Variants in TBC1D15 observed in about 807,000 individuals in gnomAD.
TBC1D15 encodes the protein GAP for RAB7.
Under a neutral mutation model 95.4 loss-of-function variants are expected in TBC1D15, and 39 were observed. The ratio of observed to expected loss-of-function variants is 0.41; its 90% confidence interval spans 0.32 to 0.53. The LOEUF (loss-of-function observed/expected upper bound fraction) is 0.53. Ranked by LOEUF, TBC1D15 falls within the 20% of genes least tolerant of loss-of-function variation. The pLI, the probability that TBC1D15 is intolerant of heterozygous loss-of-function variation, is 0.29. For synonymous variants in TBC1D15, 258 were observed against 261.3 expected (o/e 0.99, Z 0.12); for missense variants, 733 against 794.3 (o/e 0.92, Z 0.93).
At position 71,887,500 on chromosome 12, in the gene TBC1D15, C is replaced by G. The variant is rs1407263687; in HGVS notation, c.554+2479C>G. The stretch of plus-strand genomic sequence containing the variant: ...CTTAAAACTCATCTCATGCCATTGT[C>G]TTTTCCATTCTACTCATGCAGATTT... On this transcript the variant is annotated intron_variant, in intron 5 of 16. Transcript: ENST00000485960. Among the ~76,000 whole-genome samples, 14 of 152,190 alleles carry G rather than the reference C, an allele frequency of 9.2e-5. No individual in the cohort carries two copies. In the South Asian group the frequency reaches 1.7e-3, roughly 18 times the overall value.
rs552989210 is a variant in TBC1D15 at position 71,880,463 on chromosome 12, T to C, written c.205-6T>C. 3.0e-5 allele frequency: 47 copies of C among 1,554,214 alleles called. No homozygotes were observed. Among genetic ancestry groups the C allele is most frequent in the Non-Finnish European group, 3.7e-5 (43 of 1,149,690 alleles). On this transcript the variant is annotated splice_region_variant and splice_polypyrimidine_tract_variant and intron_variant, in intron 3 of 16. Coordinates refer to ENST00000485960, the MANE Select transcript of TBC1D15 (RefSeq NM_001146213.3). ...TTAAATATTTTATATGTTATAATTA[T>C]TTTAGGACTCCAGTTCAGTTGTAGA...
intron 10 of TBC1D15, among the ~76,000 whole-genome samples, chr12:71,905,329 C>CT (rs1404888134): frequency 6.6e-6 from 1 of 151,942 alleles, no homozygotes; most frequent in Non-Finnish European, 1.5e-5. Context: ...AGCAGTTTGA[C>CT]TTTTTTTTCT....
chr12:71,861,566 A>G (rs1270631368), intron 1 of TBC1D15: 3 of 1,359,644 alleles, frequency 2.2e-6, no homozygotes, highest in East Asian at 5.5e-5. Context: ...TAAATTTCTG[A>G]TTTTATTTGG....
chr12:71,874,432 A>G (rs1488213060), intron 3 of TBC1D15, among the ~76,000 whole-genome samples: 3 of 152,064 alleles, frequency 2.0e-5, no homozygotes, highest in Admixed American at 6.6e-5. Context: ...TTGATGTAGC[A>G]TAGTACTTGG....
intron 1 of TBC1D15, among the ~76,000 whole-genome samples, chr12:71,866,870 C>T (rs1257013719): frequency 1.3e-5 from 2 of 152,182 alleles, no homozygotes; most frequent in East Asian, 3.9e-4. Context: ...TGACACCAGT[C>T]TCTGGACTTC....
intron 1 of TBC1D15, among the ~76,000 whole-genome samples, chr12:71,865,309 T>G (rs936406581): frequency 2.0e-5 from 3 of 152,180 alleles, no homozygotes; most frequent in Non-Finnish European, 4.4e-5. Context: ...GTAGCTGTGA[T>G]TCTCTTAACT....
In TBC1D15 at chr12:71,923,238, T is replaced by C; in HGVS notation, c.*34T>C. On this transcript the variant is annotated 3_prime_UTR_variant, in exon 17 of 17. Coordinates refer to ENST00000485960, the MANE Select transcript of TBC1D15 (RefSeq NM_001146213.3). ...CTTGCTTTTTTGGGAAGAGACACTTTGTTGCAACCCTTTTTCAAGTACTTG... is the reference window on the plus strand; with the variant it reads ...CTTGCTTTTTTGGGAAGAGACACTTCGTTGCAACCCTTTTTCAAGTACTTG... 2 of 1,600,080 alleles carry C rather than the reference T, an allele frequency of 1.2e-6. No homozygotes were observed. Among genetic ancestry groups the C allele is most frequent in the Non-Finnish European group, 1.7e-6 (2 of 1,168,646 alleles).
intron 1 of TBC1D15, among the ~76,000 whole-genome samples, chr12:71,840,414 A>C (rs1291474778): frequency 6.6e-6 from 1 of 152,184 alleles, no homozygotes; most frequent in Non-Finnish European, 1.5e-5. Flanking sequence ...CTTGTCTAGG[A>C]AGGCGTCCAA....
chr12:71,884,876 T>G lies in TBC1D15; in HGVS notation c.409T>G (p.Ser137Ala). Residue 137 changes from serine (S) to alanine (A), a missense_variant, in exon 5 of 17, where the codon TCA (serine) becomes GCA (alanine). Physicochemically the swap from Ser to Ala is moderately conservative, Grantham distance 99 (BLOSUM62 1). Transcript: ENST00000485960. ...SFLFSLTDLK[S>A]IKQNKEGMGW... The stretch of plus-strand genomic sequence containing the variant: ...CCTGTTCAGTTTGACAGACCTGAAA[T>G]CAATCAAGCAAAACAAAGAGGGTAT... 1.2e-6 allele frequency: 2 copies of G among 1,614,036 alleles called. No homozygotes were observed. Among genetic ancestry groups the G allele is most frequent in the Non-Finnish European group, 1.7e-6 (2 of 1,179,932 alleles).
chr12:71,916,329 T>C (rs1903690679), intron 12 of TBC1D15, among the ~76,000 whole-genome samples: 1 of 152,144 alleles, frequency 6.6e-6, no homozygotes, highest in Non-Finnish European at 1.5e-5. Flanking sequence ...AGCAAATGTC[T>C]ATGCCATGTT....
chr12:71,849,499 G>T, intron 1 of TBC1D15: 1 of 783,536 alleles, frequency 1.3e-6, no homozygotes, highest in Non-Finnish European at 2.3e-6. Context: ...ACTCCAAAGA[G>T]CGAAAGAGAG....
chr12:71,867,175 C>T (rs1214261294), intron 1 of TBC1D15, among the ~76,000 whole-genome samples: 2 of 152,182 alleles, frequency 1.3e-5, no homozygotes, highest in African/African-American at 4.8e-5. Context: ...TAAATGTAGA[C>T]ATTTAAAAAT....
chr12:71,861,413 T>C, intron 1 of TBC1D15: 1 of 1,479,666 alleles, frequency 6.8e-7, no homozygotes, highest in East Asian at 2.6e-5. Context: ...AGGTTTTTGG[T>C]TTCTTCTTGA....
intron 11 of TBC1D15, among the ~76,000 whole-genome samples, chr12:71,910,667 T>C (rs1902016774): frequency 2.6e-5 from 4 of 152,212 alleles, no homozygotes; most frequent in Admixed American, 2.6e-4. Context: ...TCTGTTTGTC[T>C]GTTATTGGTG....
chr12:71,904,176 T>C (rs80352012), intron 10 of TBC1D15, among the ~76,000 whole-genome samples: 2,682 of 152,224 alleles, frequency 0.018, 83 homozygotes, highest in African/African-American at 0.062. Flanking sequence ...AAGTTTGATG[T>C]CCTAAAAGAC....
intron 1 of TBC1D15, among the ~76,000 whole-genome samples, chr12:71,842,501 T>C (rs1206271590): frequency 6.6e-6 from 1 of 151,954 alleles, no homozygotes; most frequent in Non-Finnish European, 1.5e-5. Flanking sequence ...TGGCACATAA[T>C]AGGTATTCAG....
intron 14 of TBC1D15, 87 bp downstream of exon 14, chr12:71,918,635 C>A: frequency 1.2e-6 from 1 of 847,692 alleles, no homozygotes; most frequent in Non-Finnish European, 1.8e-6. Context: ...TTATGATAGC[C>A]TTACTGAAAT....
intron 10 of TBC1D15, among the ~76,000 whole-genome samples, chr12:71,898,769 T>G (rs1161284765): frequency 1.3e-5 from 2 of 152,048 alleles, no homozygotes; most frequent in Non-Finnish European, 2.9e-5. Context: ...GTTAACACCC[T>G]CCCATGAAAG....
chr12:71,873,178 C>T (rs547992994), intron 3 of TBC1D15, among the ~76,000 whole-genome samples, 175 bp downstream of exon 3: 46 of 152,276 alleles, frequency 3.0e-4, no homozygotes, highest in African/African-American at 1.0e-3. Context: ...AGAACATTTT[C>T]ATCACCCTCC....
Sources: gnomAD v4.1 joint callset for allele counts (sites outside exome capture counted in the v4.1 genomes callset) on GRCh38, gnomAD v4.1.1 for gene constraint, MANE v1.5 for transcripts, NCBI Gene and HGNC (gene_info 2026-07-23, HGNC 2026-07-21) for gene names.